GSE1: variants seen among roughly 807,000 people sequenced by gnomAD.
The protein encoded by GSE1 is Gse1 coiled-coil protein, also known as genetic suppressor element 1.
GSE1 carries 32 observed loss-of-function variants against 112.6 expected under a neutral mutation model. The observed-to-expected ratio is 0.28, with a 90% CI of 0.21 to 0.38. The LOEUF (loss-of-function observed/expected upper bound fraction) is 0.38. GSE1 is among the 10% of genes least tolerant of loss of function. GSE1 has a pLI of 1.00. For synonymous variants in GSE1, 1,115 were observed against 735.6 expected (o/e 1.52, Z -8.35); for missense variants, 2,348 against 1,699.2 (o/e 1.38, Z -6.71).
intron 1 of GSE1, among the ~76,000 whole-genome samples, chr16:85,223,320 C>T (rs373268940): frequency 3.4e-4 from 51 of 152,224 alleles, no homozygotes; most frequent in African/African-American, 1.2e-3. Flanking sequence ...GTCAGGAGTT[C>T]GAGACCAGCC....
At chr16:85,246,598 T>C (rs1905865327) in intron 1 of GSE1, among the ~76,000 whole-genome samples, 2 of 144,814 alleles carry the variant, frequency 1.4e-5, no homozygotes, top group South Asian at 4.6e-4. Flanking sequence ...TCCCCGGCCC[T>C]GGAGGAGGAG....
intron 1 of GSE1, among the ~76,000 whole-genome samples, chr16:85,574,249 A>G (rs1396652213): frequency 6.6e-6 from 1 of 152,230 alleles, no homozygotes; most frequent in African/African-American, 2.4e-5. Context: ...GCAGGCCCCC[A>G]GAATGCTTTT....
At chr16:85,334,887 C>T (rs190050541) in intron 1 of GSE1, among the ~76,000 whole-genome samples, 7 of 152,126 alleles carry the variant, frequency 4.6e-5, no homozygotes, top group African/African-American at 7.2e-5. Context: ...TGTCTGCACC[C>T]GGAAGAGAGC....
chr16:85,578,149 A>G (rs1272192975), intron 1 of GSE1, among the ~76,000 whole-genome samples: 4 of 152,226 alleles, frequency 2.6e-5, no homozygotes, highest in African/African-American at 9.6e-5. Context: ...GGAGATTGGC[A>G]GGGCCTCTCC....
intron 1 of GSE1, among the ~76,000 whole-genome samples, chr16:85,231,037 T>C (rs527458264): frequency 4.2e-4 from 60 of 144,490 alleles, no homozygotes; most frequent in African/African-American, 1.4e-3. Context: ...GACAGAAGGA[T>C]AGATGGATGG....
At chr16:85,256,053 C>A (rs1327098805) in intron 1 of GSE1, among the ~76,000 whole-genome samples, 1 of 152,210 alleles carries the variant, frequency 6.6e-6, no homozygotes, top group Non-Finnish European at 1.5e-5. Context: ...CCTCAGCTTC[C>A]CCATATGTAA....
At chr16:85,385,836 C>A (rs1040568252) in intron 2 of GSE1, among the ~76,000 whole-genome samples, 10 of 152,160 alleles carry the variant, frequency 6.6e-5, no homozygotes, top group African/African-American at 2.4e-4. Context: ...CCGCGGGTGA[C>A]CCCCGGGCCA....
chr16:85,190,339 GCTCT>G (rs554569138), intron 1 of GSE1, among the ~76,000 whole-genome samples: 155 of 152,278 alleles, frequency 1.0e-3, no homozygotes, highest in Admixed American at 2.4e-3. Flanking sequence ...AGAATTGCTG[GCTCT>G]CTCATATATT....
At chr16:85,202,783 T>C (rs1445437238) in intron 1 of GSE1, among the ~76,000 whole-genome samples, 1 of 152,206 alleles carries the variant, frequency 6.6e-6, no homozygotes, top group Non-Finnish European at 1.5e-5. Context: ...GGAGTCCAGA[T>C]GCTGTGCTTC....
chr16:85,382,976 C>T (rs1315628224), intron 2 of GSE1, among the ~76,000 whole-genome samples: 11 of 147,246 alleles, frequency 7.5e-5, no homozygotes, highest in Admixed American at 2.0e-4. Context: ...CATGCACGCT[C>T]ACACGCACAC....
At chr16:85,569,542 T>C (rs2045895287) in intron 1 of GSE1, among the ~76,000 whole-genome samples, 1 of 152,196 alleles carries the variant, frequency 6.6e-6, no homozygotes, top group Non-Finnish European at 1.5e-5. Flanking sequence ...GAGCTTAGTG[T>C]GGTGTCTAGG....
At chr16:85,386,509 C>T (rs1389878671) in intron 2 of GSE1, among the ~76,000 whole-genome samples, 1 of 152,220 alleles carries the variant, frequency 6.6e-6, no homozygotes, top group Non-Finnish European at 1.5e-5. Flanking sequence ...CCTACTGCCT[C>T]AGAAGCGGTG....
intron 1 of GSE1, among the ~76,000 whole-genome samples, chr16:85,353,421 C>G (rs2046889730): frequency 6.6e-6 from 1 of 152,218 alleles, no homozygotes; most frequent in African/African-American, 2.4e-5. Context: ...GTTTGATGGA[C>G]TGCCAGCTGT....
chr16:85,653,547 C>A (rs767000073), intron 3 of GSE1, among the ~76,000 whole-genome samples: 4 of 151,556 alleles, frequency 2.6e-5, no homozygotes, highest in African/African-American at 9.7e-5. Flanking sequence ...TCTGGACCAC[C>A]TTCCCAGCTA....
At chr16:85,247,014 C>T (rs1303100569) in intron 1 of GSE1, among the ~76,000 whole-genome samples, 1 of 152,064 alleles carries the variant, frequency 6.6e-6, no homozygotes, top group Non-Finnish European at 1.5e-5. Context: ...TAGAGGGGGG[C>T]ACCGCCTTCT....
intron 2 of GSE1, among the ~76,000 whole-genome samples, chr16:85,435,757 C>G (rs1215704162): frequency 6.7e-6 from 1 of 150,030 alleles, no homozygotes; most frequent in East Asian, 2.0e-4. Flanking sequence ...GACTCCATCC[C>G]TGCCTGTGTG....
intron 3 of GSE1, among the ~76,000 whole-genome samples, chr16:85,651,909 C>CAA (rs2051390868): frequency 6.6e-6 from 1 of 152,234 alleles, no homozygotes; most frequent in Non-Finnish European, 1.5e-5. Flanking sequence ...GCCACTCCGT[C>CAA]TTGTTAAGTC....
At chr16:85,570,664 C>G (rs143221862) in intron 1 of GSE1, among the ~76,000 whole-genome samples, 3 of 152,326 alleles carry the variant, frequency 2.0e-5, no homozygotes, top group African/African-American at 4.8e-5. Context: ...GCAAATAGCC[C>G]GCAACCAACT....
rs1398230093 is a variant in GSE1 at position 85,663,003 on chromosome 16, C to T, written c.2283C>T (p.Asp761=). ...QEKGYYYDLD[D]SYDESDEEEV... is the part of the protein sequence containing the mutation. ...CAGGGTACTACTACGACCTCGATGA[C>T]TCTTACGACGAGAGCGATGAGGAGG... The change falls in exon 10 of 16, where the codon GAC becomes GAT. Residue 761 remains aspartate (D), a synonymous_variant. Coordinates refer to ENST00000253458, the MANE Select transcript of GSE1 (RefSeq NM_014615.5). 4 of 1,611,846 alleles carry T rather than the reference C, an allele frequency of 2.5e-6. No homozygotes were observed. The Admixed American group carries it at 6.7e-5, about 27-fold the overall frequency.
Sources: gnomAD v4.1 joint callset for allele counts (sites outside exome capture counted in the v4.1 genomes callset) on GRCh38, gnomAD v4.1.1 for gene constraint, MANE v1.5 for transcripts, NCBI Gene and HGNC (gene_info 2026-07-23, HGNC 2026-07-21) for gene names.